Variants in UBAC2 observed in about 807,000 individuals in gnomAD.
UBAC2 encodes ubiquitin-associated domain-containing protein 2.
In UBAC2, 26 loss-of-function variants were observed where a neutral mutation model predicts 44.0. The observed-to-expected ratio is 0.59, with a 90% CI of 0.43 to 0.82. UBAC2 has a LOEUF of 0.82. Ranked by LOEUF, UBAC2 falls within the 40% of genes least tolerant of loss-of-function variation. The probability of loss-of-function intolerance (pLI) is 0.00; values close to 1 mark genes in which losing one functional copy is unlikely to be tolerated. For missense variants in UBAC2, 329 were observed against 419.4 expected (o/e 0.78, Z 1.88); for synonymous variants, 155 against 154.3 (o/e 1.00, Z -0.04).
intron 4 of UBAC2, among the ~76,000 whole-genome samples, chr13:99,253,609 G>C (rs948310919): frequency 6.6e-6 from 1 of 152,130 alleles, no homozygotes; most frequent in Admixed American, 6.6e-5. Flanking sequence ...CGCCTCCTGG[G>C]TTCAAGCTAT....
Position 99,238,464 on chromosome 13 carries a change from C to CA in UBAC2, c.70dup (p.Ser24LysfsTer21). ...TGTCGAAGAGCCTTCTGCTGGTCCC[C>CA]AGTGCCCTCTCCCTCCTGCTCGCCC... On this transcript the variant is annotated frameshift_variant, in exon 2 of 9. Coordinates refer to ENST00000403766, the MANE Select transcript of UBAC2 (RefSeq NM_001144072.2). LOFTEE classifies it high-confidence loss of function. 1 of 1,613,948 alleles carries CA rather than the reference C, an allele frequency of 6.2e-7. No homozygotes were observed. Among genetic ancestry groups the CA allele is most frequent in the Non-Finnish European group, 8.5e-7 (1 of 1,179,904 alleles).
intron 7 of UBAC2, among the ~76,000 whole-genome samples, chr13:99,341,642 TGAGAGCC>T (rs1389314878): frequency 6.6e-6 from 1 of 152,080 alleles, no homozygotes; most frequent in African/African-American, 2.4e-5. Flanking sequence ...GGATGAGAGC[TGAGAGCC>T]GAAAGCAAAG....
chr13:99,382,798 C>G (rs997425001), intron 8 of UBAC2, among the ~76,000 whole-genome samples: 10 of 152,056 alleles, frequency 6.6e-5, no homozygotes, highest in Admixed American at 6.5e-4. Context: ...TGGAAAAAGG[C>G]AGGGGCCCCA....
rs1269949721 is a variant in UBAC2 at position 99,296,057 on chromosome 13, G to A, written c.390-18040G>A. 4.3e-6 allele frequency: 7 copies of A among 1,614,078 alleles called. No homozygotes were observed. The highest frequency in any genetic ancestry group is 1.1e-5 in the South Asian group (1 of 91,084). On this transcript the variant is annotated intron_variant, in intron 4 of 8. Coordinates refer to ENST00000403766, the MANE Select transcript of UBAC2 (RefSeq NM_001144072.2). ...GTAATGCAGAGGCATTACTATCCTG[G>A]CCGTGCTGTGATGTGCATAGAGGTC... is the stretch of plus-strand genomic sequence containing the variant.
intron 8 of UBAC2, among the ~76,000 whole-genome samples, chr13:99,368,601 AAAAT>A (rs1345204744): frequency 6.6e-6 from 1 of 152,210 alleles, no homozygotes; most frequent in Non-Finnish European, 1.5e-5. Context: ...TGGAAGAAGG[AAAAT>A]AAATATATAA....
At chr13:99,305,878 C>A (rs2044325720) in intron 4 of UBAC2, among the ~76,000 whole-genome samples, 2 of 151,622 alleles carry the variant, frequency 1.3e-5, no homozygotes. Context: ...CATCCATAGA[C>A]TCAGGGCCAT....
intron 6 of UBAC2, 62 bp downstream of exon 6, chr13:99,318,131 T>C: frequency 1.0e-5 from 15 of 1,448,254 alleles, no homozygotes; most frequent in Non-Finnish European, 1.4e-5. Context: ...ATTAGGAAAA[T>C]TGTCCTATTT....
intron 6 of UBAC2, among the ~76,000 whole-genome samples, chr13:99,318,796 T>G (rs535553973): frequency 8.3e-6 from 1 of 119,996 alleles, no homozygotes; most frequent in East Asian, 2.5e-4. Flanking sequence ...CTCTCCAGCC[T>G]GGGCGACAGA....
chr13:99,357,992 G>A (rs758139379), intron 7 of UBAC2, among the ~76,000 whole-genome samples: 1 of 152,184 alleles, frequency 6.6e-6, no homozygotes, highest in Non-Finnish European at 1.5e-5. Flanking sequence ...CACAGTCCCC[G>A]TGGAGCTAAT....
chr13:99,225,311 C>T (rs966817974), intron 1 of UBAC2, among the ~76,000 whole-genome samples: 1 of 152,168 alleles, frequency 6.6e-6, no homozygotes, highest in East Asian at 1.9e-4. Context: ...CCCCTTCCTC[C>T]GCCCACTGTA....
intron 4 of UBAC2, among the ~76,000 whole-genome samples, chr13:99,264,783 G>A (rs571614890): frequency 6.6e-6 from 1 of 152,302 alleles, no homozygotes; most frequent in South Asian, 2.1e-4. Context: ...ACTGTGGATA[G>A]GAGCCGGCAG....
chr13:99,336,731 T>C (rs771400174), intron 6 of UBAC2, among the ~76,000 whole-genome samples: 2 of 152,236 alleles, frequency 1.3e-5, no homozygotes, highest in Non-Finnish European at 2.9e-5. Context: ...TACGTTTCTT[T>C]AAAATTGCCT....
At chr13:99,350,967 T>C (rs946552526) in intron 7 of UBAC2, among the ~76,000 whole-genome samples, 3 of 152,194 alleles carry the variant, frequency 2.0e-5, no homozygotes, top group Non-Finnish European at 4.4e-5. Context: ...CAGAATATTG[T>C]GTTGAGTCGT....
intron 6 of UBAC2, among the ~76,000 whole-genome samples, chr13:99,327,220 G>A (rs1292834477): frequency 6.6e-6 from 1 of 152,044 alleles, no homozygotes; most frequent in Non-Finnish European, 1.5e-5. Flanking sequence ...AAAACTTAAA[G>A]GATAATTTAA....
At chr13:99,242,378 G>A (rs2043315703) in intron 2 of UBAC2, among the ~76,000 whole-genome samples, 1 of 144,980 alleles carries the variant, frequency 6.9e-6, no homozygotes, top group Admixed American at 6.8e-5. Flanking sequence ...CGGGCAGAGG[G>A]GCTCCTCACT....
chr13:99,355,658 C>A (rs2045168571), intron 7 of UBAC2, among the ~76,000 whole-genome samples: 1 of 152,246 alleles, frequency 6.6e-6, no homozygotes, highest in Non-Finnish European at 1.5e-5. Context: ...TCCTGACGGT[C>A]CCTGGAGGAA....
At chr13:99,242,306 C>A (rs537270157) in intron 2 of UBAC2, among the ~76,000 whole-genome samples, 18 of 150,992 alleles carry the variant, frequency 1.2e-4, no homozygotes, top group African/African-American at 4.4e-4. Context: ...ACCTCCCGGA[C>A]GGGGCGGCTG....
chr13:99,314,414 A>G (rs2044459736), intron 5 of UBAC2, among the ~76,000 whole-genome samples, 194 bp downstream of exon 5: 1 of 152,196 alleles, frequency 6.6e-6, no homozygotes, highest in Admixed American at 6.5e-5. Flanking sequence ...ATACTAGAAT[A>G]CTTTCATAGT....
intron 4 of UBAC2, among the ~76,000 whole-genome samples, chr13:99,293,269 C>T (rs879464666): frequency 2.6e-5 from 4 of 152,138 alleles, no homozygotes; most frequent in Non-Finnish European, 5.9e-5. Flanking sequence ...GGTATTTACT[C>T]TCTTGTTTGT....
Sources: gnomAD v4.1 joint callset for allele counts (sites outside exome capture counted in the v4.1 genomes callset) on GRCh38, gnomAD v4.1.1 for gene constraint, MANE v1.5 for transcripts, NCBI Gene and HGNC (gene_info 2026-07-23, HGNC 2026-07-21) for gene names.